PARD6G: variants seen among roughly 807,000 people sequenced by gnomAD.
The protein encoded by PARD6G is par-6 family cell polarity regulator gamma, also known as partitioning defective 6 homolog gamma.
In PARD6G, 7 loss-of-function variants were observed where a neutral mutation model predicts 10.7. The observed-to-expected ratio is 0.66, with a 90% CI of 0.37 to 1.23. The LOEUF (loss-of-function observed/expected upper bound fraction) is 1.23, where lower values mean the gene tolerates loss of function less well. Ranked by LOEUF, PARD6G falls within the 50% of genes most tolerant of loss-of-function variation. The pLI is 0.02. For synonymous variants in PARD6G, 287 were observed against 269.4 expected (o/e 1.07, Z -0.64); for missense variants, 548 against 571.8 (o/e 0.96, Z 0.42).
intron 1 of PARD6G, among the ~76,000 whole-genome samples, chr18:80,230,322 G>A (rs1297170306): frequency 2.6e-5 from 4 of 152,258 alleles, no homozygotes; most frequent in Non-Finnish European, 4.4e-5. Flanking sequence ...AGAACTCCAT[G>A]TAGGAAAAGA....
rs1466721634 is a variant in PARD6G, at chr18:80,180,359, G to T, written c.296-19753C>A. ...CCGGCAGGTGAGGACACGCAGCTGGGAGGGGCGCAGCCGGCAGCACCTGGG... is the reference window on the plus strand; with the variant it reads ...CCGGCAGGTGAGGACACGCAGCTGGTAGGGGCGCAGCCGGCAGCACCTGGG... On this transcript the variant is annotated intron_variant, in intron 2 of 2. Coordinates refer to ENST00000353265, the MANE Select transcript of PARD6G (RefSeq NM_032510.4). The surrounding 1 kb of genome is among the most constrained non-coding windows in gnomAD (Gnocchi z 5.6). 6.6e-6 allele frequency among the ~76,000 whole-genome samples: 1 copy of T among 152,190 alleles called. No homozygotes were observed. The highest frequency in any genetic ancestry group is 1.5e-5 in the Non-Finnish European group (1 of 68,012).
rs943513123 is a variant in PARD6G, at chr18:80,180,967, A to T, written c.296-20361T>A. On this transcript the variant is annotated intron_variant, in intron 2 of 2. Transcript: ENST00000353265. The surrounding 1 kb of genome is among the most constrained non-coding windows in gnomAD (Gnocchi z 5.6). ...ACAGCAAAGAAATGTCCAGCGCAGA[A>T]CGTCAGCAGTGCTGAGGGTAAGAAC... Among the ~76,000 whole-genome samples the T allele has an allele frequency of 6.2e-4, 95 of 152,214 alleles. 1 individual carries two copies. The highest frequency in any genetic ancestry group is 7.8e-4 in the Admixed American group (12 of 15,288).
chr18:80,243,882 C>T (rs117799115), intron 1 of PARD6G, among the ~76,000 whole-genome samples: 294 of 152,244 alleles, frequency 1.9e-3, no homozygotes, highest in Middle Eastern at 6.8e-3. Flanking sequence ...AGCGGGCCAT[C>T]TACGCTCACG....
chr18:80,238,824 G>C (rs750646469), intron 1 of PARD6G, among the ~76,000 whole-genome samples: 1 of 141,204 alleles, frequency 7.1e-6, no homozygotes, highest in Non-Finnish European at 1.5e-5. Flanking sequence ...GCAAGAGTAG[G>C]AAAGGATCGG....
intron 2 of PARD6G, among the ~76,000 whole-genome samples, chr18:80,197,815 T>C (rs912388466): frequency 2.6e-5 from 4 of 152,256 alleles, no homozygotes; most frequent in African/African-American, 7.2e-5. Context: ...TCCTGCACCC[T>C]TGGGGAGGCA....
At chr18:80,179,188 C>T (rs1022366515) in intron 2 of PARD6G, among the ~76,000 whole-genome samples, 1 of 152,030 alleles carries the variant, frequency 6.6e-6, no homozygotes, top group Non-Finnish European at 1.5e-5. Context: ...GCCCACAGCA[C>T]CTTCACAGGA....
intron 1 of PARD6G, among the ~76,000 whole-genome samples, chr18:80,213,191 A>G (rs571114240): frequency 1.3e-5 from 2 of 152,340 alleles, no homozygotes; most frequent in Middle Eastern, 3.4e-3. Context: ...GATGAAGTTT[A>G]CGTCTATTTT....
intron 1 of PARD6G, among the ~76,000 whole-genome samples, chr18:80,218,485 C>G (rs952280947): frequency 6.6e-6 from 1 of 152,212 alleles, no homozygotes; most frequent in South Asian, 2.1e-4. Flanking sequence ...CACACTGATG[C>G]AAGAGGTAGG....
chr18:80,235,987 C>A (rs1014598637), intron 1 of PARD6G, among the ~76,000 whole-genome samples: 37 of 152,310 alleles, frequency 2.4e-4, no homozygotes, highest in African/African-American at 8.2e-4. Flanking sequence ...GGGAATCCTC[C>A]CTAACTCATT....
chr18:80,207,548 C>T (rs1332458901), intron 1 of PARD6G, among the ~76,000 whole-genome samples: 2 of 152,188 alleles, frequency 1.3e-5, no homozygotes, highest in African/African-American at 4.8e-5. Flanking sequence ...TTTGATAATA[C>T]TTGTTAATAA....
intron 1 of PARD6G, among the ~76,000 whole-genome samples, chr18:80,217,235 C>A (rs1379173226): frequency 6.6e-6 from 1 of 152,162 alleles, no homozygotes; most frequent in Non-Finnish European, 1.5e-5. Context: ...CAAATAAAAT[C>A]CATGACTCCA....
chr18:80,171,437 G>T (rs1372722850), intron 2 of PARD6G: 3 of 152,268 alleles, frequency 2.0e-5, no homozygotes, highest in Non-Finnish European at 4.4e-5. Flanking sequence ...CAGGCACCCG[G>T]TTGCCGGCAT....
At chr18:80,240,583 G>C (rs1346788620) in intron 1 of PARD6G, among the ~76,000 whole-genome samples, 1 of 152,176 alleles carries the variant, frequency 6.6e-6, no homozygotes, top group East Asian at 1.9e-4. Flanking sequence ...GGATTAAAGA[G>C]CCCCAAATAA....
chr18:80,173,228 GT>G (rs934192285), intron 2 of PARD6G, among the ~76,000 whole-genome samples: 166 of 152,320 alleles, frequency 1.1e-3, no homozygotes, highest in African/African-American at 3.8e-3. Flanking sequence ...TAGGAAGCAC[GT>G]TGCTTGGGGC....
rs112914049 is a variant in PARD6G at position 80,186,579 on chromosome 18, C to A, written c.295+16131G>T. Among the ~76,000 whole-genome samples the A allele has an allele frequency of 2.0e-3, 311 of 152,102 alleles. 1 individual carries two copies. Among genetic ancestry groups the A allele is most frequent in the Middle Eastern group, 0.014 (4 of 294 alleles). ...ACATGCACACACAGCCCTTGCACAC[C>A]CCCCCAAAGGATGCACACACACATC... On this transcript the variant is annotated intron_variant, in intron 2 of 2. Coordinates refer to ENST00000353265, the MANE Select transcript of PARD6G (RefSeq NM_032510.4).
chr18:80,201,549 C>T lies in PARD6G; in HGVS notation c.295+1161G>A, dbSNP rs1021415427. ...ACTTCTCAGCACCGTCAGCAGGATA[C>T]CCAGGCCCAGTGAGAACTGCAGATG... On this transcript the variant is annotated intron_variant, in intron 2 of 2. Transcript: ENST00000353265. This position sits in a 1 kb window ranked among gnomAD's most constrained non-coding sequence, Gnocchi z 5.9. Among the ~76,000 whole-genome samples the T allele has an allele frequency of 1.3e-5, 2 of 152,198 alleles. No individual in the cohort carries two copies. The highest frequency in any genetic ancestry group is 2.1e-4 in the South Asian group (1 of 4,828).
At chr18:80,203,896 G>A (rs1030866845) in intron 1 of PARD6G, among the ~76,000 whole-genome samples, 15 of 152,304 alleles carry the variant, frequency 9.8e-5, no homozygotes, top group African/African-American at 3.6e-4. Flanking sequence ...GTCCAAGGGA[G>A]ACAGGATGAT....
intron 1 of PARD6G, among the ~76,000 whole-genome samples, chr18:80,245,314 A>G (rs982477359): frequency 6.6e-6 from 1 of 152,112 alleles, no homozygotes; most frequent in Non-Finnish European, 1.5e-5. Flanking sequence ...CAGAGGGCAA[A>G]TGAGCACAGA....
In PARD6G at chr18:80,182,674, C is replaced by T. The variant is rs1448544719; in HGVS notation, c.295+20036G>A. Among the ~76,000 whole-genome samples, 1 of 152,214 alleles carries T rather than the reference C, an allele frequency of 6.6e-6. No individual in the cohort carries two copies. The highest frequency in any genetic ancestry group is 1.5e-5 in the Non-Finnish European group (1 of 68,036). On this transcript the variant is annotated intron_variant, in intron 2 of 2. Coordinates refer to ENST00000353265, the MANE Select transcript of PARD6G (RefSeq NM_032510.4). This position sits in a 1 kb window ranked among gnomAD's most constrained non-coding sequence, Gnocchi z 4.5. The stretch of plus-strand genomic sequence containing the variant: ...AAAAAAGGTGCAAGTCCAACAGACA[C>T]CCTTTCCAGTCACCTAGACATCACC...
Sources: gnomAD v4.1 joint callset for allele counts (sites outside exome capture counted in the v4.1 genomes callset) on GRCh38, gnomAD v4.1.1 for gene constraint, Gnocchi (gnomAD v3.1) non-coding constraint, MANE v1.5 for transcripts, NCBI Gene and HGNC (gene_info 2026-07-23, HGNC 2026-07-21) for gene names.